The following VPS36 variants were observed in gnomAD, a reference collection of about 807,000 sequenced individuals.
The protein encoded by VPS36 is vacuolar protein-sorting-associated protein 36.
A neutral mutation model predicts 63.5 loss-of-function variants in VPS36; 31 were observed. The ratio of observed to expected loss-of-function variants is 0.49; its 90% CI spans 0.37 to 0.66. The LOEUF (loss-of-function observed/expected upper bound fraction) is 0.66, where lower values mean the gene tolerates loss of function less well. VPS36 is among the 30% of genes least tolerant of loss of function. The probability of loss-of-function intolerance (pLI) is 0.00; values close to 1 mark genes in which losing one functional copy is unlikely to be tolerated. For missense variants in VPS36, 338 were observed against 463.7 expected (o/e 0.73, Z 2.49); for synonymous variants, 138 against 157.2 (o/e 0.88, Z 0.91).
At chr13:52,447,359 AAAG>A (rs1958354396) in intron 1 of VPS36, among the ~76,000 whole-genome samples, 1 of 152,210 alleles carries the variant, frequency 6.6e-6, no homozygotes, top group Non-Finnish European at 1.5e-5. Flanking sequence ...GTTAGCTGAA[AAAG>A]AATAAACAAT....
chr13:52,423,525 A>G, intron 10 of VPS36, 49 bp downstream of exon 10: 2 of 1,504,936 alleles, frequency 1.3e-6, no homozygotes, highest in South Asian at 1.2e-5. Context: ...AATTTGTATT[A>G]AGAAAATCTA....
chr13:52,435,543 A>G lies in VPS36; in HGVS notation c.352-661T>C, dbSNP rs559621377. Among the ~76,000 whole-genome samples, 6 of 152,364 alleles carry G rather than the reference A, an allele frequency of 3.9e-5. No homozygotes were observed. The East Asian group carries it at 9.6e-4, about 25-fold the overall frequency. On this transcript the variant is annotated intron_variant, in intron 4 of 13. Transcript: ENST00000378060. ...ATAATGAAACAAACACAGTGCCAGG[A>G]AAAATATACAACCATTCTCCATGAA...
rs1406312172 is a variant in VPS36 at position 52,413,086 on chromosome 13, G to A, written c.*2744C>T. ...ATGCTCAATTTTGTCCTTAGGCACGGTCTTTAAAACCTAACCACCTTACAA... is the reference window on the plus strand; with the variant it reads ...ATGCTCAATTTTGTCCTTAGGCACGATCTTTAAAACCTAACCACCTTACAA... On this transcript the variant is annotated 3_prime_UTR_variant, in exon 14 of 14. Transcript: ENST00000378060. 2.0e-5 allele frequency: 3 copies of A among 152,612 alleles called. No individual in the cohort carries two copies. The East Asian group carries it at 5.8e-4, about 29-fold the overall frequency. The allele number at this position is 152,612 out of a possible 1,614,324, so 9.5% of individuals were successfully genotyped here.
chr13:52,445,706 G>C (rs1259526351), intron 1 of VPS36, among the ~76,000 whole-genome samples: 3 of 143,880 alleles, frequency 2.1e-5, no homozygotes, highest in Non-Finnish European at 4.6e-5. Context: ...GGGAGGCCTA[G>C]GCGGGCGGAT....
intron 3 of VPS36, 38 bp downstream of exon 3, chr13:52,439,060 T>C (rs370214679): frequency 6.3e-7 from 1 of 1,590,464 alleles, no homozygotes; most frequent in Non-Finnish European, 8.6e-7. Context: ...ACAGGAAATG[T>C]TTTCTGTGAA....
At chr13:52,426,952 C>T in intron 8 of VPS36, 37 bp downstream of exon 8, 1 of 1,446,490 alleles carries the variant, frequency 6.9e-7, no homozygotes, top group Admixed American at 1.8e-5. Context: ...ATTGTGTTAT[C>T]TAGTTTCAAA....
At chr13:52,424,816 T>C (rs1342365056) in intron 9 of VPS36, among the ~76,000 whole-genome samples, 1 of 152,048 alleles carries the variant, frequency 6.6e-6, no homozygotes, top group Non-Finnish European at 1.5e-5. Context: ...TGAAACTCTG[T>C]CTTTACTGAA....
intron 1 of VPS36, 77 bp from the exon 2 acceptor site, chr13:52,442,522 AC>A: frequency 8.2e-7 from 1 of 1,226,402 alleles, no homozygotes; most frequent in Non-Finnish European, 1.2e-6. Context: ...CATGAATTAT[AC>A]CACACTAAAT....
chr13:52,436,129 G>A (rs1031592086), intron 4 of VPS36, 161 bp downstream of exon 4: 2 of 517,470 alleles, frequency 3.9e-6, no homozygotes, highest in African/African-American at 3.8e-5. Context: ...CACTGCTAAG[G>A]CTTAAGATAT....
intron 9 of VPS36, among the ~76,000 whole-genome samples, chr13:52,425,023 G>A (rs1300371878): frequency 6.6e-6 from 1 of 151,294 alleles, no homozygotes; most frequent in Non-Finnish European, 1.5e-5. Context: ...CACTTTGGGA[G>A]GCCGAGGCGG....
chr13:52,427,797 T>C (rs1013490844), intron 6 of VPS36, among the ~76,000 whole-genome samples: 1 of 152,146 alleles, frequency 6.6e-6, no homozygotes, highest in Non-Finnish European at 1.5e-5. Context: ...CAAAAGGTGA[T>C]ATAAACAGTA....
In VPS36 at chr13:52,450,547, G is replaced by T; in HGVS notation, c.48C>A (p.Thr16=). 4 of 1,595,180 alleles carry T rather than the reference G, an allele frequency of 2.5e-6. No individual in the cohort carries two copies. The highest frequency in any genetic ancestry group is 3.4e-6 in the Non-Finnish European group (4 of 1,171,132). ...WTSGLLEINE[T]LVIQQRGVRI... is the part of the protein sequence containing the mutation. ...GCACCCCGCGCTGCTGGATCACCAGGGTCTCGTTGATCTCCAGGAGGCCGC... is the reference window on the plus strand; with the variant it reads ...GCACCCCGCGCTGCTGGATCACCAGTGTCTCGTTGATCTCCAGGAGGCCGC... The change falls in exon 1 of 14, where the codon ACC becomes ACA. Residue 16 remains threonine (T), a synonymous_variant. Transcript: ENST00000378060.
intron 5 of VPS36, among the ~76,000 whole-genome samples, chr13:52,434,201 C>G (rs1458292200): frequency 6.6e-6 from 1 of 152,138 alleles, no homozygotes; most frequent in South Asian, 2.1e-4. Flanking sequence ...CCCAGCTGTA[C>G]TGTCTATTCT....
At chr13:52,436,249 AC>A in intron 4 of VPS36, 40 bp downstream of exon 4, 1 of 1,413,116 alleles carries the variant, frequency 7.1e-7, no homozygotes, top group African/African-American at 1.4e-5. Flanking sequence ...ACACACACAC[AC>A]ACACCTTTCT....
intron 9 of VPS36, among the ~76,000 whole-genome samples, chr13:52,424,661 T>A (rs1958079387): frequency 6.6e-6 from 1 of 151,948 alleles, no homozygotes; most frequent in Admixed American, 6.6e-5. Context: ...CTGCAATGAA[T>A]CCTGATTGAA....
At chr13:52,420,662 G>A (rs1958037332) in intron 10 of VPS36, among the ~76,000 whole-genome samples, 1 of 152,006 alleles carries the variant, frequency 6.6e-6, no homozygotes, top group Non-Finnish European at 1.5e-5. Flanking sequence ...AACTACAAAA[G>A]TGGAATTGGA....
chr13:52,420,014 G>T (rs539001902), intron 10 of VPS36, among the ~76,000 whole-genome samples: 1 of 152,246 alleles, frequency 6.6e-6, no homozygotes, highest in South Asian at 2.1e-4. Flanking sequence ...GCCAAGGGGG[G>T]TGGATCACCT....
intron 10 of VPS36, 88 bp downstream of exon 10, chr13:52,423,486 T>G: frequency 8.5e-7 from 1 of 1,178,508 alleles, no homozygotes. Context: ...AGCTTTGATA[T>G]TCACAACCCT....
At chr13:52,427,370 C>T in intron 6 of VPS36, 151 bp from the exon 7 acceptor site, 2 of 694,836 alleles carry the variant, frequency 2.9e-6, no homozygotes, top group Non-Finnish European at 4.8e-6. Context: ...CTCTGGGAGG[C>T]CGAGGCAGGC....
Sources: allele counts gnomAD v4.1 joint callset (sites outside exome capture counted in the v4.1 genomes callset), GRCh38; gene constraint gnomAD v4.1.1; transcripts MANE v1.5; gene names NCBI Gene and HGNC (gene_info 2026-07-23, HGNC 2026-07-21).